The following FAM120A variants were observed in gnomAD, a reference collection of about 807,000 sequenced individuals.
FAM120A encodes constitutive coactivator of PPAR-gamma-like protein 1.
In FAM120A, 15 loss-of-function variants were observed where a neutral mutation model predicts 109.7. That is an observed-to-expected ratio of 0.14 (90% CI 0.09 to 0.21). FAM120A has a LOEUF of 0.21. FAM120A is among the 10% of genes least tolerant of loss of function. The probability of loss-of-function intolerance (pLI) is 1.00; values close to 1 mark genes in which losing one functional copy is unlikely to be tolerated. For synonymous variants in FAM120A, 493 were observed against 572.8 expected (o/e 0.86, Z 1.99); for missense variants, 899 against 1,439.3 (o/e 0.62, Z 6.07).
rs1267352135 is a variant in FAM120A, at chr9:93,515,631, CA to C, written c.1031-35del. On this transcript the variant is annotated intron_variant, in intron 5 of 17. Transcript: ENST00000277165. ...TGCCCTGGAAAACGCATTCTGTTCA[CA>C]GCTGTGTGATTCTTTTCTTTCTGTG... is the stretch of plus-strand genomic sequence containing the variant. 1.7e-3 allele frequency: 646 copies of C among 376,994 alleles called. 2 individuals are homozygous for C. In the African/African-American group the frequency reaches 0.02, roughly 12 times the overall value. The allele number at this position is 376,994 out of a possible 1,614,324, so 23.4% of individuals were successfully genotyped here.
At chr9:93,470,303 T>A (rs1858252088) in intron 1 of FAM120A, among the ~76,000 whole-genome samples, 1 of 152,232 alleles carries the variant, frequency 6.6e-6, no homozygotes, top group African/African-American at 2.4e-5. Flanking sequence ...TCTTGGACTG[T>A]AAATCATTTA....
At chr9:93,553,813 C>T (rs991002194) in intron 12 of FAM120A, among the ~76,000 whole-genome samples, 1 of 151,946 alleles carries the variant, frequency 6.6e-6, no homozygotes, top group Non-Finnish European at 1.5e-5. Context: ...TTAGAGATGG[C>T]AGTGAGATAA....
intron 2 of FAM120A, among the ~76,000 whole-genome samples, chr9:93,473,226 A>G (rs1188377147): frequency 6.6e-6 from 1 of 152,102 alleles, no homozygotes; most frequent in Non-Finnish European, 1.5e-5. Flanking sequence ...CATGTTGGCC[A>G]GGCTGGTCTT....
At chr9:93,555,125 C>A (rs1366338653) in intron 12 of FAM120A, among the ~76,000 whole-genome samples, 1 of 152,202 alleles carries the variant, frequency 6.6e-6, no homozygotes, top group Non-Finnish European at 1.5e-5. Flanking sequence ...CCACTTTGCA[C>A]ATAAATATAA....
intron 10 of FAM120A, among the ~76,000 whole-genome samples, chr9:93,539,054 G>C (rs552610733): frequency 2.0e-5 from 3 of 147,962 alleles, no homozygotes; most frequent in Admixed American, 2.0e-4. Context: ...CTGGAGTGGA[G>C]TGGCGCAATC....
rs1389272520 is a variant in FAM120A, at chr9:93,498,407, G to C, written c.934-383G>C. Among the ~76,000 whole-genome samples, 1 of 152,120 alleles carries C rather than the reference G, an allele frequency of 6.6e-6. No individual in the cohort carries two copies. Among genetic ancestry groups the C allele is most frequent in the African/African-American group, 2.4e-5 (1 of 41,416 alleles). On this transcript the variant is annotated intron_variant, in intron 4 of 17. Coordinates refer to ENST00000277165, the MANE Select transcript of FAM120A (RefSeq NM_014612.5). This position sits in a 1 kb window ranked among gnomAD's most constrained non-coding sequence, Gnocchi z 4.4. Reference sequence around the variant, plus strand: ...AACTCCGTCTCAGAAGAAAAAGAGAGAGCTGAAACCCTGGGCAGGAACATC... The same window carrying C: ...AACTCCGTCTCAGAAGAAAAAGAGACAGCTGAAACCCTGGGCAGGAACATC...
At chr9:93,527,497 G>A (rs1861135689) in intron 8 of FAM120A, among the ~76,000 whole-genome samples, 1 of 151,774 alleles carries the variant, frequency 6.6e-6, no homozygotes, top group Non-Finnish European at 1.5e-5. Context: ...GGACCTTCCT[G>A]AGCCCACATT....
At chr9:93,526,769 A>G (rs1861101189) in intron 7 of FAM120A, among the ~76,000 whole-genome samples, 2 of 152,202 alleles carry the variant, frequency 1.3e-5, no homozygotes, top group Non-Finnish European at 2.9e-5. Context: ...CGATCCAGAT[A>G]ACATTTAAGT....
chr9:93,476,493 A>C (rs1858553900), intron 3 of FAM120A, among the ~76,000 whole-genome samples, 155 bp downstream of exon 3: 1 of 152,214 alleles, frequency 6.6e-6, no homozygotes, highest in African/African-American at 2.4e-5. Context: ...CTTAAAAAGC[A>C]AGCAACAATG....
chr9:93,454,598 CA>C lies in FAM120A; in HGVS notation c.474+2211del, dbSNP rs149994161. The stretch of plus-strand genomic sequence containing the variant: ...CCAGAGGCAGGAGCACCATTAATAG[CA>C]AGAAGTGACAAGAGAGATTTAAAAA... On this transcript the variant is annotated intron_variant, in intron 1 of 17. Coordinates refer to ENST00000277165, the MANE Select transcript of FAM120A (RefSeq NM_014612.5). Among the ~76,000 whole-genome samples the C allele has an allele frequency of 3.3e-3, 506 of 152,274 alleles. 1 individual carries two copies. The highest frequency in any genetic ancestry group is 5.1e-3 in the Non-Finnish European group (349 of 68,016).
chr9:93,478,678 G>A (rs1858656848), intron 3 of FAM120A, among the ~76,000 whole-genome samples: 1 of 152,162 alleles, frequency 6.6e-6, no homozygotes, highest in Non-Finnish European at 1.5e-5. Context: ...GTTTCACCAT[G>A]TTGTCCATAT....
intron 12 of FAM120A, among the ~76,000 whole-genome samples, chr9:93,553,164 T>G (rs145581535): frequency 6.7e-4 from 102 of 152,332 alleles, no homozygotes; most frequent in Non-Finnish European, 1.1e-3. Flanking sequence ...TTTTAAGCCC[T>G]TCTCCTAGGT....
chr9:93,471,178 T>C lies in FAM120A; in HGVS notation c.512T>C (p.Ile171Thr). Residue 171 changes from isoleucine to threonine, a missense_variant, in exon 2 of 18, where the codon ATT becomes ACT. By Grantham distance (89) the Ile-to-Thr change is moderately conservative. This residue lies in a region of FAM120A where 258 missense variants were observed against 451.4 expected (regional missense o/e 0.57). Coordinates refer to ENST00000277165, the MANE Select transcript of FAM120A (RefSeq NM_014612.5). Reference sequence around the variant, plus strand: ...ATTGAGGATCACCATCAGGAAGTGATTGGTTTCTGCAGAGAGAATGGTTTC... The same window carrying C: ...ATTGAGGATCACCATCAGGAAGTGACTGGTTTCTGCAGAGAGAATGGTTTC... ...QSIEDHHQEV[I>T]GFCRENGFHG... The C allele has an allele frequency of 1.9e-6, 3 of 1,614,188 alleles. No homozygotes were observed. The highest frequency in any genetic ancestry group is 2.5e-6 in the Non-Finnish European group (3 of 1,180,030).
chr9:93,523,434 T>C, intron 7 of FAM120A: 1 of 641,232 alleles, frequency 1.6e-6, no homozygotes, highest in Non-Finnish European at 2.3e-6. Context: ...TGTTATGCTC[T>C]TGTTCCAGAC....
chr9:93,523,908 T>TA (rs1484920005), intron 7 of FAM120A, among the ~76,000 whole-genome samples: 1 of 152,232 alleles, frequency 6.6e-6, no homozygotes, highest in Non-Finnish European at 1.5e-5. Flanking sequence ...GTGACTCTTG[T>TA]AGCTTCCCTG....
At chr9:93,526,767 A>T (rs1861101087) in intron 7 of FAM120A, among the ~76,000 whole-genome samples, 1 of 152,208 alleles carries the variant, frequency 6.6e-6, no homozygotes. Context: ...TTCGATCCAG[A>T]TAACATTTAA....
intron 7 of FAM120A, among the ~76,000 whole-genome samples, chr9:93,522,494 C>CATGTAAGT (rs1218447553): frequency 6.6e-6 from 1 of 152,176 alleles, no homozygotes; most frequent in East Asian, 1.9e-4. Context: ...CTTATTTGTG[C>CATGTAAGT]ATGTAAGTAT....
chr9:93,472,041 C>G (rs552894573), intron 2 of FAM120A, among the ~76,000 whole-genome samples: 12 of 152,312 alleles, frequency 7.9e-5, no homozygotes, highest in Non-Finnish European at 1.3e-4. Context: ...GGGCAGCTCA[C>G]CTGAGGTCAG....
chr9:93,537,737 A>G (rs1420292403), intron 10 of FAM120A, among the ~76,000 whole-genome samples: 2 of 152,224 alleles, frequency 1.3e-5, no homozygotes, highest in African/African-American at 4.8e-5. Flanking sequence ...AATTGCTAAT[A>G]AAAAGTAAAC....
Sources: gnomAD v4.1 joint callset for allele counts (sites outside exome capture counted in the v4.1 genomes callset) on GRCh38, gnomAD v4.1.1 for gene constraint, gnomAD v4.1.1 regional missense constraint, Gnocchi (gnomAD v3.1) non-coding constraint, MANE v1.5 for transcripts, NCBI Gene and HGNC (gene_info 2026-07-23, HGNC 2026-07-21) for gene names.